Variants in IRX2 observed in about 807,000 individuals in gnomAD.
IRX2 encodes the protein iroquois homeobox 2.
In IRX2, 26 loss-of-function variants were observed where a neutral mutation model predicts 42.9. The observed-to-expected ratio is 0.61, with a 90% CI of 0.44 to 0.84. The LOEUF (loss-of-function observed/expected upper bound fraction) is 0.84, where lower values mean the gene tolerates loss of function less well. Among genes scored for constraint, IRX2 ranks in the 40% least tolerant of loss-of-function variants. The pLI is 0.00. For synonymous variants in IRX2, 424 were observed against 353.9 expected, an observed-to-expected ratio of 1.20 and a Z score of -2.22; for missense variants, 782 against 713.9, an observed-to-expected ratio of 1.10 and a Z score of -1.09.
downstream of IRX2, among the ~76,000 whole-genome samples, chr5:2,745,103 A>G (rs2111439019): frequency 6.6e-6 from 1 of 152,340 alleles, no homozygotes; most frequent in East Asian, 1.9e-4. Flanking sequence ...TGTTTAGACA[A>G]GATTTTATAA....
chr5:2,750,919 C>G (rs1383055916), intron 1 of IRX2, among the ~76,000 whole-genome samples: 1 of 152,002 alleles, frequency 6.6e-6, no homozygotes, highest in Non-Finnish European at 1.5e-5. Context: ...GCCGGCGAGC[C>G]GAGGGGACGC....
chr5:2,749,457 C>T lies in IRX2; in HGVS notation c.580G>A (p.Gly194Ser), dbSNP rs1188898437. The change falls in exon 2 of 4, where the codon GGC (glycine) becomes AGC (serine). Residue 194 changes from glycine to serine, a missense_variant. By Grantham distance (56) the Gly-to-Ser change is moderately conservative (BLOSUM62 0). Coordinates refer to ENST00000302057, the MANE Select transcript of IRX2 (RefSeq NM_033267.5). ...NKSEDEDEDEGDATRSKDESP... is the reference protein window; with the variant it reads ...NKSEDEDEDESDATRSKDESP... ...TCGTCCTTGCTTCTGGTAGCGTCGC[C>T]CTCGTCCTCGTCCTCATCTTCGCTT... is the stretch of plus-strand genomic sequence containing the variant. 1 of 1,614,184 alleles carries T rather than the reference C, an allele frequency of 6.2e-7. No homozygotes were observed. Among genetic ancestry groups the T allele is most frequent in the South Asian group, 1.1e-5 (1 of 91,080 alleles).
At chr5:2,740,165 G>A in the IRX2 span, among the ~76,000 whole-genome samples, 1 of 151,238 alleles carries the variant, frequency 6.6e-6, no homozygotes, top group Non-Finnish European at 1.5e-5. Flanking sequence ...TGGGGCCGCC[G>A]GGGCAGTCGT....
At chr5:2,745,702 T>A (rs1342812923), downstream of IRX2, 1 of 152,204 alleles carries the variant, frequency 6.6e-6, no homozygotes, top group Non-Finnish European at 1.5e-5. Flanking sequence ...CCAATTTGGA[T>A]AATTCAGCCT....
At chr5:2,739,872 G>T in the IRX2 span, among the ~76,000 whole-genome samples, 1 of 152,178 alleles carries the variant, frequency 6.6e-6, no homozygotes, top group Non-Finnish European at 1.5e-5. Flanking sequence ...GTCAGGGCGG[G>T]AGGAACCCGA....
At chr5:2,740,464 G>C in the IRX2 span, among the ~76,000 whole-genome samples, 1 of 152,228 alleles carries the variant, frequency 6.6e-6, no homozygotes. Flanking sequence ...CTCAGCGGCA[G>C]CGCCGCGCTT....
the IRX2 span, among the ~76,000 whole-genome samples, chr5:2,738,864 C>T: frequency 6.6e-6 from 1 of 152,216 alleles, no homozygotes; most frequent in Non-Finnish European, 1.5e-5. Flanking sequence ...GAGGGTGAAG[C>T]CAATGGGCCT....
downstream of IRX2, among the ~76,000 whole-genome samples, chr5:2,745,131 C>T (rs1737628634): frequency 6.6e-6 from 1 of 152,272 alleles, no homozygotes; most frequent in Non-Finnish European, 1.5e-5. Context: ...AATATCAGCC[C>T]ATAATGAACC....
At chr5:2,750,518 G>A (rs1336764881) in intron 1 of IRX2, among the ~76,000 whole-genome samples, 1 of 152,220 alleles carries the variant, frequency 6.6e-6, no homozygotes, top group East Asian at 1.9e-4. Context: ...CAGGTCGCCG[G>A]AGCAGGAGCT....
At chr5:2,750,014 C>T (rs987150535) in intron 1 of IRX2, among the ~76,000 whole-genome samples, 2 of 152,188 alleles carry the variant, frequency 1.3e-5, no homozygotes, top group Non-Finnish European at 2.9e-5. Flanking sequence ...AACTATTTCA[C>T]TTTCCTAAAA....
downstream of IRX2, among the ~76,000 whole-genome samples, chr5:2,741,787 T>C (rs560304029): frequency 1.1e-3 from 167 of 152,364 alleles, 1 homozygote; most frequent in African/African-American, 3.8e-3. Context: ...AACCTCATAG[T>C]CAATTCTTTA....
At chr5:2,749,292 TCCGGCGGGCAACGTCCTCC>T in intron 2 of IRX2, 71 bp downstream of exon 2, 1 of 1,501,130 alleles carries the variant, frequency 6.7e-7, no homozygotes, top group Non-Finnish European at 8.8e-7. Flanking sequence ...ACCTGGGGTG[TCCGGCGGGCAACGTCCTCC>T]CCGCCTTAGC....
At position 2,749,287 on chromosome 5, in the gene IRX2, G is replaced by A; in HGVS notation, c.655+95C>T. 5 of 1,493,594 alleles carry A rather than the reference G, an allele frequency of 3.3e-6. No homozygotes were observed. In the South Asian group the frequency reaches 4.1e-5, roughly 12 times the overall value. 92.5% of individuals were successfully genotyped at this position (1,493,594 alleles called of 1,614,324 possible). A position where few individuals can be genotyped will look rare whatever the true frequency, so the allele number is the denominator to read the frequency against. ...CGGCTGGGGCTCCGGCCCGGACCTG[G>A]GGTGTCCGGCGGGCAACGTCCTCCC... On this transcript the variant is annotated intron_variant, in intron 2 of 3. Transcript: ENST00000302057.
chr5:2,737,562 C>T, the IRX2 span, among the ~76,000 whole-genome samples: 5 of 152,170 alleles, frequency 3.3e-5, 1 homozygote, highest in East Asian at 7.7e-4. Context: ...TAGCAGGTCT[C>T]GAGTGCTGTC....
chr5:2,743,333 G>A (rs1737583790), downstream of IRX2, among the ~76,000 whole-genome samples: 1 of 152,204 alleles, frequency 6.6e-6, no homozygotes, highest in Non-Finnish European at 1.5e-5. Context: ...CTTTTATTGG[G>A]AACAAATGTT....
Position 2,748,370 on chromosome 5 carries a change from C to A in IRX2, c.1338G>T (p.Pro446=). ...AHPLESHYRS[P]GGGYEPKKDA... Reference sequence around the variant, plus strand: ...CTTTCTTGGGCTCGTAGCCGCCGCCCGGGGACCGGTAGTGGGACTCGAGCG... The same window carrying A: ...CTTTCTTGGGCTCGTAGCCGCCGCCAGGGGACCGGTAGTGGGACTCGAGCG... Residue 446 remains proline (P), a synonymous_variant, in exon 3 of 4, where the codon CCG becomes CCT. Transcript: ENST00000302057. The A allele has an allele frequency of 2.7e-6, 4 of 1,459,942 alleles. No individual in the cohort carries two copies. Among genetic ancestry groups the A allele is most frequent in the Non-Finnish European group, 3.6e-6 (4 of 1,113,698 alleles). The allele number at this position is 1,459,942 out of a possible 1,614,324, so 90.4% of individuals were successfully genotyped here.
chr5:2,749,434 G>T lies in IRX2; in HGVS notation c.603C>A (p.Asp201Glu). 6.2e-7 allele frequency: 1 copy of T among 1,614,098 alleles called. No individual in the cohort carries two copies. The highest frequency in any genetic ancestry group is 8.5e-7 in the Non-Finnish European group (1 of 1,180,006). ...EDEGDATRSK[D>E]ESPDKAQEGT... ...CCTCCTGCGCCTTGTCGGGACTCTC[G>T]TCCTTGCTTCTGGTAGCGTCGCCCT... Residue 201 changes from aspartate (D) to glutamate (E), a missense_variant, in exon 2 of 4, where the codon GAC (aspartate) becomes GAA (glutamate). Asp to Glu is a conservative substitution (Grantham distance 45, BLOSUM62 2). Transcript: ENST00000302057.
the IRX2 span, among the ~76,000 whole-genome samples, chr5:2,737,972 C>T: frequency 6.6e-6 from 1 of 152,226 alleles, no homozygotes; most frequent in Non-Finnish European, 1.5e-5. Context: ...GCCCACCTGT[C>T]CTGCCTGCTG....
Position 2,748,346 on chromosome 5 carries a change from T to A in IRX2, c.1362A>T (p.Lys454Asn). The change falls in exon 3 of 4, where the codon AAA becomes AAT. Residue 454 changes from lysine to asparagine, a missense_variant and splice_region_variant. Coordinates refer to ENST00000302057, the MANE Select transcript of IRX2 (RefSeq NM_033267.5). The stretch of plus-strand genomic sequence containing the variant: ...CGCCGCCGGCCGCGGGCCGCCTACC[T>A]TTCTTGGGCTCGTAGCCGCCGCCCG... ...RSPGGGYEPK[K>N]DASEGCTVVG... 7.0e-7 allele frequency: 1 copy of A among 1,430,524 alleles called. No homozygotes were observed. The highest frequency in any genetic ancestry group is 9.1e-7 in the Non-Finnish European group (1 of 1,101,794). 88.6% of individuals were successfully genotyped at this position (1,430,524 alleles called of 1,614,324 possible). A position where few individuals can be genotyped will look rare whatever the true frequency, so the allele number is the denominator to read the frequency against.
Sources: gnomAD v4.1 joint callset for allele counts (sites outside exome capture counted in the v4.1 genomes callset) on GRCh38, gnomAD v4.1.1 for gene constraint, MANE v1.5 for transcripts, NCBI Gene and HGNC (gene_info 2026-07-23, HGNC 2026-07-21) for gene names.